The following KPNA1 variants were observed in gnomAD, a reference collection of about 807,000 sequenced individuals.
KPNA1 encodes the protein karyopherin subunit alpha 1, also known as importin subunit alpha-5.
In KPNA1, 10 loss-of-function variants were observed where a neutral mutation model predicts 70.5. The observed-to-expected ratio is 0.14, with a 90% CI of 0.09 to 0.24. The LOEUF (loss-of-function observed/expected upper bound fraction) is 0.24. KPNA1 is among the 10% of genes least tolerant of loss of function. The pLI is 1.00. For missense variants in KPNA1, 397 were observed against 637.9 expected (o/e 0.62, Z 4.07); for synonymous variants, 192 against 221.9 (o/e 0.87, Z 1.20).
intron 1 of KPNA1, among the ~76,000 whole-genome samples, chr3:122,499,843 A>C (rs940276597): frequency 6.6e-6 from 1 of 152,130 alleles, no homozygotes; most frequent in Admixed American, 6.5e-5. Flanking sequence ...TACCAGCTTC[A>C]TAAAATGAGT....
intron 2 of KPNA1, among the ~76,000 whole-genome samples, chr3:122,491,660 A>G (rs1305219761): frequency 6.6e-6 from 1 of 152,202 alleles, no homozygotes; most frequent in African/African-American, 2.4e-5. Flanking sequence ...ACTCAAGCGA[A>G]AACGTCTCAG....
chr3:122,514,879 C>A lies in KPNA1; in HGVS notation c.-128G>T, dbSNP rs915746516. The stretch of plus-strand genomic sequence containing the variant: ...CCGCGCCTCGGCGGTGCTCACCAGG[C>A]CTCGCTCTCCGCCGCCTCGCACCGA... On this transcript the variant is annotated 5_prime_UTR_variant, in exon 1 of 14. Transcript: ENST00000344337. 3.3e-5 allele frequency: 5 copies of A among 152,470 alleles called. No individual in the cohort carries two copies. The highest frequency in any genetic ancestry group is 1.2e-4 in the African/African-American group (5 of 41,600). The allele number at this position is 152,470 out of a possible 1,614,324, so 9.4% of individuals were successfully genotyped here.
Position 122,467,311 on chromosome 3 carries a change from C to T in KPNA1, c.237+11G>A. The stretch of plus-strand genomic sequence containing the variant: ...CATCACAAAAACACTGAAAAGAGTT[C>T]ATTATCTTACTGGTGCCATCTCCAT... On this transcript the variant is annotated intron_variant, in intron 3 of 13. Transcript: ENST00000344337. 2.2e-6 allele frequency: 3 copies of T among 1,381,642 alleles called. No homozygotes were observed. Among genetic ancestry groups the T allele is most frequent in the Non-Finnish European group, 2.0e-6 (2 of 976,414 alleles). 85.6% of individuals were successfully genotyped at this position (1,381,642 alleles called of 1,614,324 possible). A position where few individuals can be genotyped will look rare whatever the true frequency, so the allele number is the denominator to read the frequency against.
At chr3:122,510,994 A>C (rs75300239) in intron 1 of KPNA1, among the ~76,000 whole-genome samples, 2,624 of 152,326 alleles carry the variant, frequency 0.017, 52 homozygotes, top group East Asian at 0.1. Context: ...TTTAACGATC[A>C]ATGTGAACAC....
At chr3:122,430,289 T>A (rs1241813315) in intron 12 of KPNA1, among the ~76,000 whole-genome samples, 1 of 152,190 alleles carries the variant, frequency 6.6e-6, no homozygotes, top group African/African-American at 2.4e-5. Flanking sequence ...TACATTTATG[T>A]ATAGCTGACA....
At chr3:122,498,936 G>T (rs1193949635) in intron 1 of KPNA1, among the ~76,000 whole-genome samples, 1 of 152,120 alleles carries the variant, frequency 6.6e-6, no homozygotes, top group African/African-American at 2.4e-5. Context: ...GTAGCTTTCA[G>T]AATATGTTTT....
intron 5 of KPNA1, among the ~76,000 whole-genome samples, chr3:122,455,209 A>C (rs57406788): frequency 0.023 from 3,436 of 152,300 alleles, 95 homozygotes; most frequent in East Asian, 0.12. Flanking sequence ...GGGCCATCTG[A>C]TCAAATCACG....
intron 2 of KPNA1, among the ~76,000 whole-genome samples, chr3:122,474,670 C>CAT (rs1261663944): frequency 6.6e-6 from 1 of 152,200 alleles, no homozygotes; most frequent in Admixed American, 6.5e-5. Flanking sequence ...TCAATATGAA[C>CAT]ATGTAGGATT....
At chr3:122,461,033 T>C (rs2076318279) in intron 5 of KPNA1, among the ~76,000 whole-genome samples, 191 bp downstream of exon 5, 1 of 152,096 alleles carries the variant, frequency 6.6e-6, no homozygotes, top group African/African-American at 2.4e-5. Context: ...ATTATAATAA[T>C]AATAAAGAGT....
At chr3:122,490,947 A>T (rs1000581560) in intron 2 of KPNA1, among the ~76,000 whole-genome samples, 1 of 152,196 alleles carries the variant, frequency 6.6e-6, no homozygotes, top group African/African-American at 2.4e-5. Context: ...ATAGTTTCAT[A>T]ACTACCAATT....
At chr3:122,452,289 A>G (rs1233758101) in intron 6 of KPNA1, among the ~76,000 whole-genome samples, 1 of 151,988 alleles carries the variant, frequency 6.6e-6, no homozygotes, top group Non-Finnish European at 1.5e-5. Flanking sequence ...GTTTTTTGAT[A>G]CAGAATCTCG....
At chr3:122,443,041 T>G (rs1576289039) in intron 9 of KPNA1, 1 of 152,296 alleles carries the variant, frequency 6.6e-6, no homozygotes, top group African/African-American at 2.4e-5. Flanking sequence ...GGGATTTTCC[T>G]TTCCTAGCCA....
At chr3:122,492,531 T>C (rs540850766) in intron 2 of KPNA1, among the ~76,000 whole-genome samples, 2 of 152,368 alleles carry the variant, frequency 1.3e-5, no homozygotes, top group East Asian at 3.9e-4. Context: ...TATTTCAGTA[T>C]AAAAATTGAG....
At chr3:122,467,010 A>C (rs899803708) in intron 3 of KPNA1, among the ~76,000 whole-genome samples, 2 of 14,792 alleles carry the variant, frequency 1.4e-4, no homozygotes, top group South Asian at 3.7e-3. Context: ...CTAAAACATA[A>C]ATAAATAAAT....
chr3:122,447,987 T>C (rs2076158629), intron 9 of KPNA1, among the ~76,000 whole-genome samples: 1 of 152,066 alleles, frequency 6.6e-6, no homozygotes, highest in Non-Finnish European at 1.5e-5. Flanking sequence ...AAGACTTTTA[T>C]GCAGCCAACA....
intron 2 of KPNA1, among the ~76,000 whole-genome samples, chr3:122,487,017 T>C (rs1255194224): frequency 6.6e-6 from 1 of 152,214 alleles, no homozygotes; most frequent in Non-Finnish European, 1.5e-5. Flanking sequence ...AGGTCTTCTT[T>C]TGAGTGACCT....
chr3:122,457,084 T>C (rs982796788), intron 5 of KPNA1, among the ~76,000 whole-genome samples: 4 of 151,168 alleles, frequency 2.6e-5, no homozygotes, highest in Non-Finnish European at 4.4e-5. Flanking sequence ...TAGGCCTCTG[T>C]TAATGTTAGA....
In KPNA1 at chr3:122,424,654, A is replaced by G. The variant is rs903010111; in HGVS notation, c.*2331T>C. 5 of 152,448 alleles carry G rather than the reference A, an allele frequency of 3.3e-5. No homozygotes were observed. Among genetic ancestry groups the G allele is most frequent in the Non-Finnish European group, 7.4e-5 (5 of 67,994 alleles). 9.4% of individuals were successfully genotyped at this position (152,448 alleles called of 1,614,324 possible). A position where few individuals can be genotyped will look rare whatever the true frequency, so the allele number is the denominator to read the frequency against. ...AATTCCGAATGTCTGAATGCACACT[A>G]CTCTTCCTAATGTGGGGAGACAACT... On this transcript the variant is annotated 3_prime_UTR_variant, in exon 14 of 14. Transcript: ENST00000344337.
chr3:122,481,390 C>T (rs948917137), intron 2 of KPNA1, among the ~76,000 whole-genome samples: 1 of 152,194 alleles, frequency 6.6e-6, no homozygotes, highest in South Asian at 2.1e-4. Flanking sequence ...ATCTTTAACA[C>T]ACTCTACTAA....
Sources: gnomAD v4.1 joint callset for allele counts (sites outside exome capture counted in the v4.1 genomes callset) on GRCh38, gnomAD v4.1.1 for gene constraint, MANE v1.5 for transcripts, NCBI Gene and HGNC (gene_info 2026-07-23, HGNC 2026-07-21) for gene names.